Variants in LTBR observed in about 807,000 individuals in gnomAD.
LTBR encodes the protein lymphotoxin beta receptor, also known as tumor necrosis factor receptor superfamily member 3.
In LTBR, 15 loss-of-function variants were observed where a neutral mutation model predicts 45.4. The observed-to-expected ratio is 0.33, with a 90% CI of 0.22 to 0.51. LTBR has a LOEUF of 0.51. LTBR is among the 20% of genes least tolerant of loss of function. The pLI is 0.97. For synonymous variants in LTBR, 228 were observed against 231.0 expected (o/e 0.99, Z 0.12); for missense variants, 450 against 565.5 (o/e 0.80, Z 2.07).
upstream of LTBR, among the ~76,000 whole-genome samples, chr12:6,381,886 TG>T: frequency 6.6e-6 from 1 of 152,092 alleles, no homozygotes. Context: ...GGCAGAGAAT[TG>T]TTTGAACCTG....
rs1266266344 is a variant in LTBR at position 6,386,603 on chromosome 12, T to TTACA, written c.667+160_667+163dup. On this transcript the variant is annotated intron_variant, in intron 6 of 9. Coordinates refer to ENST00000228918, the MANE Select transcript of LTBR (RefSeq NM_002342.3). This position sits in a 1 kb window ranked among gnomAD's most constrained non-coding sequence, Gnocchi z 4.1. Reference sequence around the variant, plus strand: ...AAAATTGGAGTATCTCTAGGCTAGTTTACACACACACACACACACACACAC... The same window carrying TTACA: ...AAAATTGGAGTATCTCTAGGCTAGTTTACATACACACACACACACACACACACAC... 5.1e-6 allele frequency: 3 copies of TTACA among 585,486 alleles called. No individual in the cohort carries two copies. The Middle Eastern group carries it at 1.3e-3, about 257-fold the overall frequency. 36.3% of individuals were successfully genotyped at this position (585,486 alleles called of 1,614,324 possible).
chr12:6,385,570 C>A, intron 4 of LTBR, 191 bp downstream of exon 4: 2 of 700,508 alleles, frequency 2.9e-6, no homozygotes, highest in Non-Finnish European at 2.3e-6. Flanking sequence ...GTGCAGGGGA[C>A]ACAGGAGGTG....
At chr12:6,387,203 A>C (rs1350331131) in intron 6 of LTBR, 1 of 151,754 alleles carries the variant, frequency 6.6e-6, no homozygotes, top group Non-Finnish European at 1.5e-5. Flanking sequence ...AAAACTAAAA[A>C]CTCACCCACA....
chr12:6,376,256 C>A (rs1948906961), intron 1 of LTBR: 1 of 915,808 alleles, frequency 1.1e-6, no homozygotes. Flanking sequence ...CCTCGCCACC[C>A]CCTCCAACCT....
chr12:6,378,803 C>A (rs564959344), intron 1 of LTBR, among the ~76,000 whole-genome samples: 4 of 152,116 alleles, frequency 2.6e-5, no homozygotes, highest in Non-Finnish European at 5.9e-5. Flanking sequence ...CTTGGAAGGA[C>A]CCCCTGCCTT....
At position 6,388,732 on chromosome 12, in the gene LTBR, T is replaced by C; in HGVS notation, c.776-68T>C. 1 of 1,594,534 alleles carries C rather than the reference T, an allele frequency of 6.3e-7. No individual in the cohort carries two copies. Among genetic ancestry groups the C allele is most frequent in the Non-Finnish European group, 8.6e-7 (1 of 1,162,878 alleles). On this transcript the variant is annotated intron_variant, in intron 7 of 9. Coordinates refer to ENST00000228918, the MANE Select transcript of LTBR (RefSeq NM_002342.3). The surrounding 1 kb of genome is among the most constrained non-coding windows in gnomAD (Gnocchi z 4.3). ...CAAGTTGCTACACATTGTGCTGGGA[T>C]GTGGAGGCTGAAAGGCTAGGTCTGA...
chr12:6,386,553 G>T lies in LTBR; in HGVS notation c.667+109G>T. Reference sequence around the variant, plus strand: ...GATGAACACTTCCCTCCCAGAATTGGGCAAGAAGAAAGTTCCTTACAGAAA... The same window carrying T: ...GATGAACACTTCCCTCCCAGAATTGTGCAAGAAGAAAGTTCCTTACAGAAA... On this transcript the variant is annotated intron_variant, in intron 6 of 9. Coordinates refer to ENST00000228918, the MANE Select transcript of LTBR (RefSeq NM_002342.3). The surrounding 1 kb of genome is among the most constrained non-coding windows in gnomAD (Gnocchi z 4.1). The T allele has an allele frequency of 3.5e-6, 3 of 846,242 alleles. No individual in the cohort carries two copies. The highest frequency in any genetic ancestry group is 3.8e-6 in the Non-Finnish European group (2 of 531,318). The allele number at this position is 846,242 out of a possible 1,614,324, so 52.4% of individuals were successfully genotyped here. A position where few individuals can be genotyped will look rare whatever the true frequency, so the allele number is the denominator to read the frequency against.
At chr12:6,375,681 G>A in intron 1 of LTBR, 2 of 1,460,208 alleles carry the variant, frequency 1.4e-6, no homozygotes, top group Non-Finnish European at 1.8e-6. Context: ...AGGTGAACTG[G>A]GAGTACTGGA....
chr12:6,375,426 C>T (rs1948887589), upstream of LTBR: 3 of 1,531,300 alleles, frequency 2.0e-6, no homozygotes, highest in Non-Finnish European at 2.6e-6. Flanking sequence ...CCTCCAGCTT[C>T]CCACTCCCAG....
Position 6,390,982 on chromosome 12 carries a change from T to C in LTBR, c.*45T>C, listed in dbSNP as rs903080847. ...GAAGAAGGGGGGCACAAGGGCACCT[T>C]CTCCCTTGAGGCTGCCCTGCCCACG... On this transcript the variant is annotated 3_prime_UTR_variant, in exon 10 of 10. Coordinates refer to ENST00000228918, the MANE Select transcript of LTBR (RefSeq NM_002342.3). 1.3e-6 allele frequency: 2 copies of C among 1,491,664 alleles called. No individual in the cohort carries two copies. Among genetic ancestry groups the C allele is most frequent in the Non-Finnish European group, 1.8e-6 (2 of 1,119,878 alleles). The allele number at this position is 1,491,664 out of a possible 1,614,324, so 92.4% of individuals were successfully genotyped here. A position where few individuals can be genotyped will look rare whatever the true frequency, so the allele number is the denominator to read the frequency against.
At chr12:6,383,986 C>G (rs913146881), upstream of LTBR, 1 of 1,113,448 alleles carries the variant, frequency 9.0e-7, no homozygotes, top group Non-Finnish European at 1.1e-6. Context: ...CCCGATCGGG[C>G]TTCCGAAGAA....
upstream of LTBR, chr12:6,375,352 C>T: frequency 6.9e-7 from 1 of 1,450,128 alleles, no homozygotes; most frequent in South Asian, 1.4e-5. Flanking sequence ...CTGGCCCTGA[C>T]CTCGAGCTGT....
chr12:6,384,938 G>T, intron 2 of LTBR, 84 bp from the exon 3 acceptor site: 1 of 1,559,630 alleles, frequency 6.4e-7, no homozygotes, highest in South Asian at 1.1e-5. Context: ...GAGACCGAGG[G>T]AAAGGCCAGG....
chr12:6,389,860 C>G (rs1949090734), intron 8 of LTBR: 1 of 446,680 alleles, frequency 2.2e-6, no homozygotes, highest in East Asian at 3.4e-5. Context: ...GAGGCTGAGG[C>G]TAGAGGATCA....
At chr12:6,379,250 G>A (rs1948953031), upstream of LTBR, among the ~76,000 whole-genome samples, 1 of 152,156 alleles carries the variant, frequency 6.6e-6, no homozygotes, top group Non-Finnish European at 1.5e-5. Context: ...GACCCAGTCT[G>A]CAGAAGACAG....
At chr12:6,380,953 G>A (rs963171067), upstream of LTBR, among the ~76,000 whole-genome samples, 4 of 152,152 alleles carry the variant, frequency 2.6e-5, no homozygotes, top group African/African-American at 7.2e-5. Flanking sequence ...CCCTGCCCGC[G>A]GTGAACCTGT....
chr12:6,386,201 G>A lies in LTBR; in HGVS notation c.569+39G>A. The A allele has an allele frequency of 6.4e-7, 1 of 1,571,216 alleles. No homozygotes were observed. Among genetic ancestry groups the A allele is most frequent in the African/African-American group, 1.4e-5 (1 of 74,052 alleles). ...CACCCAAGCTCCTTCCACCCTCTGA[G>A]AAGCCTCAGCTGCTAACAACCCCCA... On this transcript the variant is annotated intron_variant, in intron 5 of 9. Transcript: ENST00000228918. The surrounding 1 kb of genome is among the most constrained non-coding windows in gnomAD (Gnocchi z 4.1).
intron 1 of LTBR, chr12:6,377,212 C>T (rs753197542): frequency 5.9e-5 from 90 of 1,530,806 alleles, no homozygotes; most frequent in Non-Finnish European, 7.1e-5. Flanking sequence ...AAGTGAAAGC[C>T]GGTGTCAACC....
chr12:6,391,529 A>G lies in LTBR; in HGVS notation c.*592A>G, dbSNP rs1232515057. The G allele has an allele frequency of 3.3e-5, 5 of 152,252 alleles. No individual in the cohort carries two copies. The allele number at this position is 152,252 out of a possible 1,614,324, so 9.4% of individuals were successfully genotyped here. A position where few individuals can be genotyped will look rare whatever the true frequency, so the allele number is the denominator to read the frequency against. On this transcript the variant is annotated 3_prime_UTR_variant, in exon 10 of 10. Transcript: ENST00000228918. Reference sequence around the variant, plus strand: ...GGGGAGGAAAATGGCAAGTGTATTTATATTGTAACCACATGCAAATAAAAA... The same window carrying G: ...GGGGAGGAAAATGGCAAGTGTATTTGTATTGTAACCACATGCAAATAAAAA...
Sources: allele counts gnomAD v4.1 joint callset (sites outside exome capture counted in the v4.1 genomes callset), GRCh38; gene constraint gnomAD v4.1.1; non-coding constraint Gnocchi (gnomAD v3.1); transcripts MANE v1.5; gene names NCBI Gene and HGNC (gene_info 2026-07-23, HGNC 2026-07-21).